The following AGPS variants were observed in gnomAD, a reference collection of about 807,000 sequenced individuals.
AGPS encodes alkylglycerone phosphate synthase, also known as alkyldihydroxyacetonephosphate synthase, peroxisomal.
Under a neutral mutation model 90.7 loss-of-function variants are expected in AGPS, and 26 were observed. The observed-to-expected ratio is 0.29, with a 90% CI of 0.21 to 0.40. The LOEUF (loss-of-function observed/expected upper bound fraction) is 0.40. Ranked by LOEUF, AGPS falls within the 10% of genes least tolerant of loss-of-function variation. AGPS has a pLI of 1.00. For missense variants in AGPS, 540 were observed against 816.1 expected, an observed-to-expected ratio of 0.66 and a Z score of 4.12; for synonymous variants, 294 against 285.3, an observed-to-expected ratio of 1.03 and a Z score of -0.31.
chr2:177,454,367 T>C (rs1217737989), intron 8 of AGPS, among the ~76,000 whole-genome samples: 4 of 152,002 alleles, frequency 2.6e-5, no homozygotes, highest in Non-Finnish European at 5.9e-5. Flanking sequence ...ATCTCAGACA[T>C]TATATTTTTC....
chr2:177,414,668 A>G (rs1685731383), intron 1 of AGPS, among the ~76,000 whole-genome samples: 1 of 152,230 alleles, frequency 6.6e-6, no homozygotes, highest in South Asian at 2.1e-4. Context: ...AATAGATTTT[A>G]TAATAAACCA....
chr2:177,431,411 C>T (rs766898783), intron 2 of AGPS, among the ~76,000 whole-genome samples: 1 of 152,160 alleles, frequency 6.6e-6, no homozygotes, highest in Non-Finnish European at 1.5e-5. Flanking sequence ...TGATAAACAT[C>T]TTAAACAACA....
intron 1 of AGPS, among the ~76,000 whole-genome samples, chr2:177,416,521 T>TTTTTG (rs1262561300): frequency 3.3e-5 from 5 of 152,052 alleles, no homozygotes; most frequent in South Asian, 2.1e-4. Flanking sequence ...GGAGGGTTTT[T>TTTTTG]TTTTGTTTTG....
chr2:177,531,632 G>T (rs1426365918), intron 19 of AGPS, among the ~76,000 whole-genome samples: 16 of 152,090 alleles, frequency 1.1e-4, no homozygotes, highest in Admixed American at 1.0e-3. Flanking sequence ...TGTTTAAATA[G>T]ATATAGAAAA....
Position 177,435,335 on chromosome 2 carries a change from T to A in AGPS, c.441+918T>A, listed in dbSNP as rs905453173. ...TAGGCTGAACAACTAATTCTACCCC[T>A]TCCAAGCCATCTTTTAACTTTTCCT... On this transcript the variant is annotated intron_variant, in intron 3 of 19. Coordinates refer to ENST00000264167, the MANE Select transcript of AGPS (RefSeq NM_003659.4). Among the ~76,000 whole-genome samples the A allele has an allele frequency of 2.1e-4, 32 of 152,074 alleles. 1 individual carries two copies. Among genetic ancestry groups the A allele is most frequent in the Non-Finnish European group, 4.3e-4 (29 of 67,990 alleles).
At chr2:177,450,037 C>G (rs1344899417) in intron 8 of AGPS, among the ~76,000 whole-genome samples, 1 of 152,032 alleles carries the variant, frequency 6.6e-6, no homozygotes, top group Non-Finnish European at 1.5e-5. Flanking sequence ...CGGGTTTTCA[C>G]CGCGTTAGCC....
At chr2:177,402,003 T>C (rs991239725) in intron 1 of AGPS, among the ~76,000 whole-genome samples, 2 of 152,236 alleles carry the variant, frequency 1.3e-5, no homozygotes, top group Admixed American at 6.5e-5. Flanking sequence ...GCACTTGGGC[T>C]ATGTCAGTGA....
chr2:177,441,282 C>A (rs1260147663), intron 6 of AGPS: 1 of 431,156 alleles, frequency 2.3e-6, no homozygotes, highest in South Asian at 3.2e-5. Flanking sequence ...TAATTTAATG[C>A]CTGAATAACA....
intron 19 of AGPS, among the ~76,000 whole-genome samples, chr2:177,532,413 T>C (rs916725532): frequency 3.3e-5 from 5 of 152,082 alleles, no homozygotes; most frequent in Non-Finnish European, 5.9e-5. Context: ...ACAGGAGATA[T>C]CACTACACAC....
intron 17 of AGPS, among the ~76,000 whole-genome samples, chr2:177,518,926 T>C (rs931918351): frequency 3.3e-5 from 5 of 151,800 alleles, no homozygotes; most frequent in Non-Finnish European, 7.4e-5. Context: ...TGTGAAGATA[T>C]GAGGCCTAGG....
intron 19 of AGPS, among the ~76,000 whole-genome samples, chr2:177,530,648 C>T (rs771526885): frequency 6.6e-6 from 1 of 152,032 alleles, no homozygotes; most frequent in Non-Finnish European, 1.5e-5. Context: ...GAGGGTTTGG[C>T]CTGTAATTGT....
intron 8 of AGPS, among the ~76,000 whole-genome samples, chr2:177,452,535 T>G (rs1686982191): frequency 6.6e-6 from 1 of 152,168 alleles, no homozygotes. Context: ...CTTTTTCCAT[T>G]ATTTTACTCT....
At chr2:177,437,778 G>T (rs1354267631) in intron 5 of AGPS, among the ~76,000 whole-genome samples, 1 of 151,944 alleles carries the variant, frequency 6.6e-6, no homozygotes, top group Non-Finnish European at 1.5e-5. Flanking sequence ...TAATAAATTG[G>T]CTCATTCACG....
intron 9 of AGPS, among the ~76,000 whole-genome samples, chr2:177,464,044 C>T (rs1047178304): frequency 2.6e-5 from 4 of 152,152 alleles, no homozygotes; most frequent in African/African-American, 9.7e-5. Context: ...CGGGTTCAAG[C>T]GATTCTCCTG....
intron 16 of AGPS, among the ~76,000 whole-genome samples, chr2:177,509,267 C>A (rs2105721903): frequency 6.6e-6 from 1 of 152,200 alleles, no homozygotes; most frequent in African/African-American, 2.4e-5. Context: ...AGTCAGATTT[C>A]TCAAGTTGAA....
chr2:177,457,784 G>A (rs1259167022), intron 8 of AGPS, among the ~76,000 whole-genome samples: 1 of 152,142 alleles, frequency 6.6e-6, no homozygotes, highest in Non-Finnish European at 1.5e-5. Flanking sequence ...CATTCCTTCT[G>A]AAACTATTCC....
intron 1 of AGPS, among the ~76,000 whole-genome samples, chr2:177,402,640 T>C (rs1685360440): frequency 6.6e-6 from 1 of 152,204 alleles, no homozygotes; most frequent in Non-Finnish European, 1.5e-5. Context: ...TTTCTCAGGT[T>C]ATGAAGAGTA....
At chr2:177,425,198 T>C (rs563505988) in intron 2 of AGPS, among the ~76,000 whole-genome samples, 1 of 152,296 alleles carries the variant, frequency 6.6e-6, no homozygotes, top group Admixed American at 6.5e-5. Context: ...TCTGGGGTTT[T>C]TATAGTTTTG....
intron 8 of AGPS, among the ~76,000 whole-genome samples, chr2:177,456,381 C>A (rs528847279): frequency 6.6e-6 from 1 of 152,276 alleles, no homozygotes; most frequent in African/African-American, 2.4e-5. Context: ...ACTAAATTTG[C>A]ATATTGTGGT....
Sources: allele counts gnomAD v4.1 joint callset (sites outside exome capture counted in the v4.1 genomes callset), GRCh38; gene constraint gnomAD v4.1.1; transcripts MANE v1.5; gene names NCBI Gene and HGNC (gene_info 2026-07-23, HGNC 2026-07-21).